Variants in WNT7B observed in about 807,000 individuals in gnomAD.
WNT7B encodes the protein protein Wnt-7b.
A neutral mutation model predicts 38.2 loss-of-function variants in WNT7B; 19 were observed. The ratio of observed to expected loss-of-function variants is 0.50; its 90% CI spans 0.35 to 0.73. WNT7B has a LOEUF of 0.73. WNT7B is among the 30% of genes least tolerant of loss of function. The probability of loss-of-function intolerance (pLI) is 0.01; values close to 1 mark genes in which losing one functional copy is unlikely to be tolerated. For synonymous variants in WNT7B, 243 were observed against 209.3 expected (o/e 1.16, Z -1.39); for missense variants, 423 against 507.9 (o/e 0.83, Z 1.61).
intron 2 of WNT7B, among the ~76,000 whole-genome samples, chr22:45,944,766 G>A (rs1931754465): frequency 6.6e-6 from 1 of 152,248 alleles, no homozygotes; most frequent in Middle Eastern, 3.2e-3. Context: ...GACACTCAAG[G>A]AATGCAGGCT....
chr22:45,973,287 A>G lies in WNT7B; in HGVS notation c.71+3397T>C, dbSNP rs575536211. ...CCCAGAAACATAGGTCTAGTGTCCCACCTCCTGTCGTTAGCCAATTCTGGT... is the reference window on the plus strand; with the variant it reads ...CCCAGAAACATAGGTCTAGTGTCCCGCCTCCTGTCGTTAGCCAATTCTGGT... On this transcript the variant is annotated intron_variant, in intron 1 of 3. Transcript: ENST00000339464. Among the ~76,000 whole-genome samples the G allele has an allele frequency of 9.9e-5, 15 of 152,134 alleles. No homozygotes were observed. In the South Asian group the frequency reaches 3.1e-3, roughly 32 times the overall value.
rs1054891360 is a variant in WNT7B, at chr22:45,927,360, G to A, written c.570+3738C>T. 4.7e-6 allele frequency: 7 copies of A among 1,483,586 alleles called. No individual in the cohort carries two copies. The Admixed American group carries it at 1.5e-4, about 31-fold the overall frequency. The allele number at this position is 1,483,586 out of a possible 1,614,324, so 91.9% of individuals were successfully genotyped here. A position where few individuals can be genotyped will look rare whatever the true frequency, so the allele number is the denominator to read the frequency against. ...CCTTGGTCTGGTAGAAGTGGGGGCAGGGCGGGGGCGGGCCTCCAGACTCTG... is the reference window on the plus strand; with the variant it reads ...CCTTGGTCTGGTAGAAGTGGGGGCAAGGCGGGGGCGGGCCTCCAGACTCTG... On this transcript the variant is annotated intron_variant, in intron 3 of 3. Transcript: ENST00000339464.
intron 2 of WNT7B, chr22:45,935,889 G>T: frequency 1.0e-6 from 1 of 985,320 alleles, no homozygotes; most frequent in Non-Finnish European, 1.2e-6. Flanking sequence ...GCTGGATGAG[G>T]GCAGCACGGA....
At chr22:45,930,528 C>G (rs983905535) in intron 3 of WNT7B, among the ~76,000 whole-genome samples, 5 of 152,224 alleles carry the variant, frequency 3.3e-5, no homozygotes, top group African/African-American at 1.2e-4. Context: ...GCTCTGACTT[C>G]TTCCCCGGTG....
At chr22:45,937,352 T>C (rs1931538273) in intron 2 of WNT7B, among the ~76,000 whole-genome samples, 2 of 152,170 alleles carry the variant, frequency 1.3e-5, no homozygotes, top group Non-Finnish European at 2.9e-5. Flanking sequence ...GACCCTGAAA[T>C]TGGCCAGCTG....
intron 3 of WNT7B, among the ~76,000 whole-genome samples, chr22:45,929,799 A>T (rs373724385): frequency 2.1e-4 from 20 of 94,370 alleles, no homozygotes; most frequent in African/African-American, 6.4e-4. Context: ...GATCCACTCA[A>T]CCATCTACCC....
chr22:45,947,345 G>A (rs943159326), intron 2 of WNT7B, among the ~76,000 whole-genome samples: 2 of 152,252 alleles, frequency 1.3e-5, no homozygotes, highest in African/African-American at 4.8e-5. Context: ...GTGGGCAGGA[G>A]GCAGTGACAG....
chr22:45,923,015 C>T lies in WNT7B; in HGVS notation c.891G>A (p.Thr297=), dbSNP rs146688962. Residue 297 remains threonine (T), a synonymous_variant, in exon 4 of 4, where the codon ACG becomes ACA. Transcript: ENST00000339464. ...VGTQGRLCNR[T]SPGADGCDTM... is the part of the protein sequence containing the mutation. ...TGTCACAGCCGTCCGCGCCGGGCGACGTGCGGTTGCAGAGACGGCCCTGCG... is the reference window on the plus strand; with the variant it reads ...TGTCACAGCCGTCCGCGCCGGGCGATGTGCGGTTGCAGAGACGGCCCTGCG... 1.9e-5 allele frequency: 30 copies of T among 1,612,946 alleles called. No individual in the cohort carries two copies. Among genetic ancestry groups the T allele is most frequent in the Admixed American group, 8.3e-5 (5 of 60,010 alleles).
chr22:45,925,131 G>T (rs1469084900), intron 3 of WNT7B: 5 of 961,434 alleles, frequency 5.2e-6, no homozygotes, highest in Non-Finnish European at 6.1e-6. Context: ...TGGGCCCTAG[G>T]CTGGCAGGTG....
chr22:45,968,277 CT>C (rs1341665201), intron 1 of WNT7B, among the ~76,000 whole-genome samples: 3 of 152,204 alleles, frequency 2.0e-5, no homozygotes, highest in Non-Finnish European at 2.9e-5. Context: ...AACACAGCCA[CT>C]GGGCCTCCCT....
At chr22:45,935,350 C>T (rs1470532339) in intron 2 of WNT7B, among the ~76,000 whole-genome samples, 1 of 152,250 alleles carries the variant, frequency 6.6e-6, no homozygotes, top group Non-Finnish European at 1.5e-5. Context: ...CGCTCCTCGC[C>T]CACCACTGCC....
intron 2 of WNT7B, among the ~76,000 whole-genome samples, chr22:45,938,603 A>C (rs10429727): frequency 1.3e-5 from 2 of 151,570 alleles, no homozygotes; most frequent in African/African-American, 2.4e-5. Flanking sequence ...TCACCACTGC[A>C]CTCCGGCCTG....
chr22:45,926,146 A>G, intron 3 of WNT7B: 1 of 985,406 alleles, frequency 1.0e-6, no homozygotes, highest in Non-Finnish European at 1.2e-6. Flanking sequence ...GCTTGGCTGG[A>G]TCCCTTGGGT....
In WNT7B at chr22:45,977,031, G is replaced by C. The variant is rs1932567527; in HGVS notation, c.-277C>G. 1 of 984,898 alleles carries C rather than the reference G, an allele frequency of 1.0e-6. No homozygotes were observed. Among genetic ancestry groups the C allele is most frequent in the Non-Finnish European group, 1.2e-6 (1 of 829,974 alleles). The allele number at this position is 984,898 out of a possible 1,614,324, so 61.0% of individuals were successfully genotyped here. ...AGCGACCGTGGACCCCTGCAAGCGC[G>C]GGCCGGGGGCCCGGGCGCGGCTGGC... On this transcript the variant is annotated 5_prime_UTR_variant, in exon 1 of 4. Transcript: ENST00000339464.
chr22:45,960,121 G>A (rs1302605653), intron 1 of WNT7B, among the ~76,000 whole-genome samples: 2 of 152,046 alleles, frequency 1.3e-5, no homozygotes, highest in Non-Finnish European at 2.9e-5. Context: ...TCATGGCCTC[G>A]GGGCCTGCCT....
At chr22:45,971,816 G>C (rs941381991) in intron 1 of WNT7B, among the ~76,000 whole-genome samples, 3 of 152,224 alleles carry the variant, frequency 2.0e-5, no homozygotes, top group Admixed American at 6.5e-5. Flanking sequence ...CCAGGACTCT[G>C]CTGGGACGCG....
At position 45,976,058 on chromosome 22, in the gene WNT7B, C is replaced by G. The variant is rs1182976367; in HGVS notation, c.71+626G>C. ...GCGAGAGGGGGCCGGGCCCAGGGCCCAGGGCCCCGGGCGGGCGGGGCACGG... is the reference window on the plus strand; with the variant it reads ...GCGAGAGGGGGCCGGGCCCAGGGCCGAGGGCCCCGGGCGGGCGGGGCACGG... On this transcript the variant is annotated intron_variant, in intron 1 of 3. Coordinates refer to ENST00000339464, the MANE Select transcript of WNT7B (RefSeq NM_058238.3). The surrounding 1 kb of genome is among the most constrained non-coding windows in gnomAD (Gnocchi z 8.5). 1 of 145,284 alleles carries G rather than the reference C, an allele frequency of 6.9e-6. No homozygotes were observed. The highest frequency in any genetic ancestry group is 2.0e-4 in the East Asian group (1 of 4,948). The allele number at this position is 145,284 out of a possible 1,614,324, so 9.0% of individuals were successfully genotyped here.
chr22:45,929,718 A>ATCTT, intron 3 of WNT7B, among the ~76,000 whole-genome samples: 3 of 143,934 alleles, frequency 2.1e-5, no homozygotes, highest in Non-Finnish European at 4.6e-5. Context: ...CCACCCGTGA[A>ATCTT]TCCACTCACC....
rs932330177 is a variant in WNT7B at position 45,931,164 on chromosome 22, G to A, written c.504C>T (p.Asp168=). The stretch of plus-strand genomic sequence containing the variant: ...GCGCGTTCTTCTTGATCTCCCGAGC[G>A]TCCACGAAGCGCCGGGAGAAGTCGA... ...YGIDFSRRFV[D]AREIKKNARR... Residue 168 remains aspartate, a synonymous_variant, in exon 3 of 4, where the codon GAC becomes GAT. Transcript: ENST00000339464. 17 of 1,599,356 alleles carry A rather than the reference G, an allele frequency of 1.1e-5. No homozygotes were observed. In the Middle Eastern group the frequency reaches 5.0e-4, roughly 47 times the overall value.
Sources: gnomAD v4.1 joint callset for allele counts (sites outside exome capture counted in the v4.1 genomes callset) on GRCh38, gnomAD v4.1.1 for gene constraint, Gnocchi (gnomAD v3.1) non-coding constraint, MANE v1.5 for transcripts, NCBI Gene and HGNC (gene_info 2026-07-23, HGNC 2026-07-21) for gene names.